KCTD13: variants seen among roughly 807,000 people sequenced by gnomAD.
The protein encoded by KCTD13 is BTB/POZ domain-containing adapter for CUL3-mediated RhoA degradation protein 1.
In KCTD13, 15 loss-of-function variants were observed where a neutral mutation model predicts 32.3. That is an observed-to-expected ratio of 0.46 (90% CI 0.31 to 0.71). The LOEUF (loss-of-function observed/expected upper bound fraction) is 0.71, where lower values mean the gene tolerates loss of function less well. Ranked by LOEUF, KCTD13 falls within the 30% of genes least tolerant of loss-of-function variation. The pLI, the probability that KCTD13 is intolerant of heterozygous loss-of-function variation, is 0.05. For synonymous variants in KCTD13, 189 were observed against 200.1 expected, an observed-to-expected ratio of 0.94 and a Z score of 0.47; for missense variants, 337 against 452.6, an observed-to-expected ratio of 0.74 and a Z score of 2.32.
At position 29,909,183 on chromosome 16, in the gene KCTD13, C is replaced by T. The variant is rs190841097; in HGVS notation, c.753+1795G>A. ...ACTAACACCTCGCTGCTGATGCAAA[C>T]CCCCTCCCCTCCACCACACATGATA... is the stretch of plus-strand genomic sequence containing the variant. On this transcript the variant is annotated intron_variant, in intron 5 of 5. Transcript: ENST00000568000. 3.3e-5 allele frequency among the ~76,000 whole-genome samples: 5 copies of T among 152,226 alleles called. No homozygotes were observed. In the East Asian group the frequency reaches 9.6e-4, roughly 29 times the overall value.
At chr16:29,910,132 G>A (rs1219252440) in intron 5 of KCTD13, among the ~76,000 whole-genome samples, 1 of 151,320 alleles carries the variant, frequency 6.6e-6, no homozygotes, top group African/African-American at 2.4e-5. Context: ...GGGGGCAGTG[G>A]CTCACGCTTG....
chr16:29,925,793 C>T lies in KCTD13; in HGVS notation c.241G>A (p.Gly81Arg), dbSNP rs753323588. The change falls in exon 1 of 6, where the codon GGA becomes AGA. Residue 81 changes from glycine to arginine, a missense_variant. This residue lies in a region of KCTD13 where 252 missense variants were observed against 340.2 expected (regional missense o/e 0.74). Coordinates refer to ENST00000568000, the MANE Select transcript of KCTD13 (RefSeq NM_178863.5). ...ACGGTAGGGGCGCCGCTCGTACCTC[C>T]GGCATCGGTCAGCACCTCCACGCGG... Reference protein sequence around the residue: ...SGRVEVLTDAGGWVLIDRSGR... With the variant: ...SGRVEVLTDARGWVLIDRSGR... The T allele has an allele frequency of 1.9e-6, 3 of 1,613,430 alleles. No individual in the cohort carries two copies. The highest frequency in any genetic ancestry group is 2.2e-5 in the East Asian group (1 of 44,852).
At chr16:29,923,860 A>C (rs1489200427) in intron 1 of KCTD13, among the ~76,000 whole-genome samples, 2 of 150,228 alleles carry the variant, frequency 1.3e-5, no homozygotes, top group Non-Finnish European at 3.0e-5. Flanking sequence ...GTCTCAAAAC[A>C]AAAAAATAAA....
chr16:29,918,414 T>C (rs2068847584), intron 2 of KCTD13, among the ~76,000 whole-genome samples: 1 of 152,236 alleles, frequency 6.6e-6, no homozygotes, highest in South Asian at 2.1e-4. Flanking sequence ...ATACATAATA[T>C]TACCTAAAAT....
Position 29,911,945 on chromosome 16 carries a change from G to T in KCTD13, c.504+15C>A, listed in dbSNP as rs1181259606. 1 of 1,610,754 alleles carries T rather than the reference G, an allele frequency of 6.2e-7. No homozygotes were observed. The highest frequency in any genetic ancestry group is 2.2e-5 in the East Asian group (1 of 44,862). On this transcript the variant is annotated intron_variant, in intron 3 of 5. Transcript: ENST00000568000. ...CCCCAGTGAGCCTCCACCCTGCAGG[G>T]CTTGGGGGCCTCACCTTGGAGGTGC...
rs1001512316 is a variant in KCTD13 at position 29,925,998 on chromosome 16, C to T, written c.36G>A (p.Ala12=). Residue 12 remains alanine (A), a synonymous_variant, in exon 1 of 6, where the codon GCG becomes GCA. Transcript: ENST00000568000. ...SAEASGPAAA[A]APSLEAPKPS... The stretch of plus-strand genomic sequence containing the variant: ...GCTTGGGGGCTTCCAGGGACGGGGC[C>T]GCGGCGGCAGCCGGGCCCGAGGCCT... 7 of 1,587,670 alleles carry T rather than the reference C, an allele frequency of 4.4e-6. No homozygotes were observed. In the African/African-American group the frequency reaches 6.8e-5, roughly 15 times the overall value.
chr16:29,912,032 C>A lies in KCTD13; in HGVS notation c.432G>T (p.Leu144=), dbSNP rs1424445083. 6.2e-7 allele frequency: 1 copy of A among 1,608,160 alleles called. No homozygotes were observed. The highest frequency in any genetic ancestry group is 8.5e-7 in the Non-Finnish European group (1 of 1,177,372). Residue 144 remains leucine (L), a synonymous_variant, in exon 3 of 6, where the codon CTG becomes CTT. Coordinates refer to ENST00000568000, the MANE Select transcript of KCTD13 (RefSeq NM_178863.5). The stretch of plus-strand genomic sequence containing the variant: ...CCATGGGGATGAGGCACAGCGGGGA[C>A]AGCGTCTCCCTTTTTTGCTGGGGAA... ...QLALQQKRET[L]SPLCLIPMVT...
chr16:29,911,590 C>A, intron 4 of KCTD13: 1 of 598,556 alleles, frequency 1.7e-6, no homozygotes, highest in Non-Finnish European at 3.0e-6. Flanking sequence ...AGGCTCGCCA[C>A]TATCACTTTG....
chr16:29,911,893 GA>G, intron 3 of KCTD13, 26 bp from the exon 4 acceptor site: 2 of 1,611,706 alleles, frequency 1.2e-6, no homozygotes, highest in Non-Finnish European at 8.5e-7. Context: ...GGATGGACGA[GA>G]GGGGTGAGGC....
chr16:29,912,628 C>T (rs1245028005), intron 2 of KCTD13, among the ~76,000 whole-genome samples: 21 of 152,068 alleles, frequency 1.4e-4, no homozygotes, highest in South Asian at 2.1e-4. Context: ...TTAGTAGAGA[C>T]GAGGTTTCTC....
At chr16:29,923,083 A>T in intron 2 of KCTD13, 107 bp downstream of exon 2, 1 of 1,285,492 alleles carries the variant, frequency 7.8e-7, no homozygotes, top group Non-Finnish European at 1.1e-6. Context: ...ATGGCCAGCC[A>T]AAGCCAGGCT....
rs1212313276 is a variant in KCTD13, at chr16:29,906,790, C to T, written c.*82G>A. On this transcript the variant is annotated 3_prime_UTR_variant, in exon 6 of 6. Coordinates refer to ENST00000568000, the MANE Select transcript of KCTD13 (RefSeq NM_178863.5). ...GGACCCACGACTTGGCCAGCAGAGC[C>T]GGGGCAAAAGTCTGGGAAGGGGAGG... 6 of 1,270,956 alleles carry T rather than the reference C, an allele frequency of 4.7e-6. No homozygotes were observed. The highest frequency in any genetic ancestry group is 4.4e-5 in the African/African-American group (3 of 68,232). 78.7% of individuals were successfully genotyped at this position (1,270,956 alleles called of 1,614,324 possible). A position where few individuals can be genotyped will look rare whatever the true frequency, so the allele number is the denominator to read the frequency against.
chr16:29,909,846 G>T (rs2068674617), intron 5 of KCTD13, among the ~76,000 whole-genome samples: 1 of 151,936 alleles, frequency 6.6e-6, no homozygotes, highest in Admixed American at 6.6e-5. Flanking sequence ...GAGGAGGGCA[G>T]ATCACTTGAG....
At chr16:29,913,442 G>A (rs1388790798) in intron 2 of KCTD13, 2 of 152,326 alleles carry the variant, frequency 1.3e-5, no homozygotes, top group South Asian at 4.1e-4. Flanking sequence ...AAATGTGCGA[G>A]GGGAATTACG....
At chr16:29,915,316 T>C (rs1164779804) in intron 2 of KCTD13, 1 of 152,194 alleles carries the variant, frequency 6.6e-6, no homozygotes, top group Non-Finnish European at 1.5e-5. Flanking sequence ...GTATCTTGCA[T>C]GTCTTAGGGT....
In KCTD13 at chr16:29,907,752, C is replaced by T. The variant is rs1273203903; in HGVS notation, c.754-644G>A. On this transcript the variant is annotated intron_variant, in intron 5 of 5. Coordinates refer to ENST00000568000, the MANE Select transcript of KCTD13 (RefSeq NM_178863.5). Reference sequence around the variant, plus strand: ...GCAGTGAGCCAAGATTGTACCACTGCACTCCAACCTGGGTGACAGTGAGAC... The same window carrying T: ...GCAGTGAGCCAAGATTGTACCACTGTACTCCAACCTGGGTGACAGTGAGAC... 2.0e-5 allele frequency among the ~76,000 whole-genome samples: 3 copies of T among 151,928 alleles called. No individual in the cohort carries two copies. In the East Asian group the frequency reaches 5.8e-4, roughly 29 times the overall value.
At chr16:29,925,281 C>T (rs1597033927) in intron 1 of KCTD13, among the ~76,000 whole-genome samples, 1 of 152,188 alleles carries the variant, frequency 6.6e-6, no homozygotes, top group South Asian at 2.1e-4. Context: ...TGTGTGTATA[C>T]AGGTGGATTC....
chr16:29,911,225 G>C lies in KCTD13; in HGVS notation c.558-52C>G, dbSNP rs1487917062. 5 of 1,428,096 alleles carry C rather than the reference G, an allele frequency of 3.5e-6. No individual in the cohort carries two copies. In the Admixed American group the frequency reaches 7.2e-5, roughly 21 times the overall value. 88.5% of individuals were successfully genotyped at this position (1,428,096 alleles called of 1,614,324 possible). A position where few individuals can be genotyped will look rare whatever the true frequency, so the allele number is the denominator to read the frequency against. Reference sequence around the variant, plus strand: ...CAGCGCAGTTGGCACCCCTCCCTCTGTACCCCCAGAAGACGGGCCTGGATG... The same window carrying C: ...CAGCGCAGTTGGCACCCCTCCCTCTCTACCCCCAGAAGACGGGCCTGGATG... On this transcript the variant is annotated intron_variant, in intron 4 of 5. Transcript: ENST00000568000.
intron 2 of KCTD13, among the ~76,000 whole-genome samples, chr16:29,916,231 T>C (rs145243765): frequency 5.2e-4 from 79 of 152,300 alleles, no homozygotes; most frequent in African/African-American, 1.4e-3. Context: ...CACTGGACTC[T>C]TATTAACAGA....
Sources: gnomAD v4.1 joint callset for allele counts (sites outside exome capture counted in the v4.1 genomes callset) on GRCh38, gnomAD v4.1.1 for gene constraint, gnomAD v4.1.1 regional missense constraint, MANE v1.5 for transcripts, NCBI Gene and HGNC (gene_info 2026-07-23, HGNC 2026-07-21) for gene names.